The following ZFPM2 variants were observed in gnomAD, a reference collection of about 807,000 sequenced individuals.
ZFPM2 encodes the protein zinc finger protein ZFPM2.
ZFPM2 carries 20 observed loss-of-function variants against 98.6 expected under a neutral mutation model. That is an observed-to-expected ratio of 0.20 (90% confidence interval 0.14 to 0.29). The LOEUF (loss-of-function observed/expected upper bound fraction) is 0.29, where lower values mean the gene tolerates loss of function less well. Ranked by LOEUF, ZFPM2 falls within the 10% of genes least tolerant of loss-of-function variation. The probability of loss-of-function intolerance (pLI) is 1.00; values close to 1 mark genes in which losing one functional copy is unlikely to be tolerated. For synonymous variants in ZFPM2, 518 were observed against 502.7 expected, an observed-to-expected ratio of 1.03 and a Z score of -0.41; for missense variants, 1,310 against 1,388.6, an observed-to-expected ratio of 0.94 and a Z score of 0.90.
chr8:105,657,767 A>G (rs1817313125), intron 5 of ZFPM2, among the ~76,000 whole-genome samples: 1 of 152,234 alleles, frequency 6.6e-6, no homozygotes, highest in Non-Finnish European at 1.5e-5. Flanking sequence ...CTGGAGAAGG[A>G]TAGAGTCATA....
intron 3 of ZFPM2, among the ~76,000 whole-genome samples, chr8:105,472,796 C>T (rs1164906287): frequency 6.6e-6 from 1 of 151,732 alleles, no homozygotes; most frequent in Non-Finnish European, 1.5e-5. Context: ...GCGTGAGCCA[C>T]CGCGCCTGGC....
chr8:105,359,367 CTTTTTT>C (rs111675257), intron 1 of ZFPM2, among the ~76,000 whole-genome samples: 4 of 135,356 alleles, frequency 3.0e-5, no homozygotes, highest in African/African-American at 5.4e-5. Context: ...CTTTTTCTTT[CTTTTTT>C]TTTTTTTTTG....
chr8:105,463,809 T>G (rs1812746703), intron 3 of ZFPM2, among the ~76,000 whole-genome samples: 1 of 152,048 alleles, frequency 6.6e-6, no homozygotes, highest in Admixed American at 6.6e-5. Context: ...GCATATTTTA[T>G]TGCCATCCTT....
chr8:105,769,992 T>C (rs1812946565), intron 5 of ZFPM2, among the ~76,000 whole-genome samples: 1 of 152,098 alleles, frequency 6.6e-6, no homozygotes. Context: ...AAAAACATTC[T>C]CTTTTTCCCT....
In ZFPM2 at chr8:105,321,981, T is replaced by A. The variant is rs571324986; in HGVS notation, c.40+3000T>A. On this transcript the variant is annotated intron_variant, in intron 1 of 7. Coordinates refer to ENST00000407775, the MANE Select transcript of ZFPM2 (RefSeq NM_012082.4). The stretch of plus-strand genomic sequence containing the variant: ...TGATAAATTATGTATTTTGCCCCCA[T>A]GTTTTGTCCCAAAATTCAGATTTTT... Among the ~76,000 whole-genome samples the A allele has an allele frequency of 6.6e-5, 10 of 152,276 alleles. No homozygotes were observed. The South Asian group carries it at 2.1e-3, about 32-fold the overall frequency.
At chr8:105,659,787 A>C (rs776026552) in intron 5 of ZFPM2, among the ~76,000 whole-genome samples, 1 of 152,224 alleles carries the variant, frequency 6.6e-6, no homozygotes, top group Non-Finnish European at 1.5e-5. Context: ...TAATTTCTGT[A>C]ATAGTTTTAC....
chr8:105,516,863 T>C (rs1327133623), intron 3 of ZFPM2, among the ~76,000 whole-genome samples: 1 of 152,146 alleles, frequency 6.6e-6, no homozygotes, highest in African/African-American at 2.4e-5. Context: ...CTAAATACTA[T>C]CCTCACTTTC....
chr8:105,448,967 C>T (rs1411675677), intron 3 of ZFPM2, among the ~76,000 whole-genome samples: 1 of 151,982 alleles, frequency 6.6e-6, no homozygotes, highest in Non-Finnish European at 1.5e-5. Flanking sequence ...AACCACATTC[C>T]ATGACCGAAG....
chr8:105,742,976 T>G (rs760438147), intron 5 of ZFPM2, among the ~76,000 whole-genome samples: 1 of 152,082 alleles, frequency 6.6e-6, no homozygotes, highest in East Asian at 1.9e-4. Context: ...ATACAGGAGA[T>G]AATGTTTCAA....
rs73700126 is a variant in ZFPM2, at chr8:105,691,834, A to G, written c.532+57477A>G. Among the ~76,000 whole-genome samples, 505 of 152,318 alleles carry G rather than the reference A, an allele frequency of 3.3e-3. 6 individuals carry two copies. Among genetic ancestry groups the G allele is most frequent in the African/African-American group, 0.011 (468 of 41,578 alleles). ...GTCTAGAGTGATTGACGGAAAAACT[A>G]TGCGCTCCTTTAGAGTTTATCTCAT... On this transcript the variant is annotated intron_variant, in intron 5 of 7. Coordinates refer to ENST00000407775, the MANE Select transcript of ZFPM2 (RefSeq NM_012082.4).
At chr8:105,613,664 G>C (rs1476078886) in intron 4 of ZFPM2, among the ~76,000 whole-genome samples, 4 of 152,072 alleles carry the variant, frequency 2.6e-5, no homozygotes, top group African/African-American at 9.7e-5. Context: ...GTCCTAGTAG[G>C]ACCCATTCAC....
chr8:105,364,492 C>G (rs1027172149), intron 1 of ZFPM2, among the ~76,000 whole-genome samples: 35 of 151,996 alleles, frequency 2.3e-4, no homozygotes, highest in African/African-American at 7.7e-4. Context: ...TAGTAAAGAT[C>G]TTATATTCAA....
At chr8:105,554,476 CG>C (rs1814938466) in intron 3 of ZFPM2, among the ~76,000 whole-genome samples, 1 of 152,098 alleles carries the variant, frequency 6.6e-6, no homozygotes, top group South Asian at 2.1e-4. Context: ...AGCATGACTT[CG>C]GGGCTGTCCA....
chr8:105,593,139 T>A (rs1029750639), intron 4 of ZFPM2, among the ~76,000 whole-genome samples: 2 of 152,138 alleles, frequency 1.3e-5, no homozygotes. Context: ...CTGTGTTACA[T>A]ATGCTTCTTA....
chr8:105,598,723 AT>A (rs755805895), intron 4 of ZFPM2, among the ~76,000 whole-genome samples: 2 of 152,120 alleles, frequency 1.3e-5, no homozygotes, highest in Non-Finnish European at 2.9e-5. Context: ...ATCAGTTTTA[AT>A]TTATTGGGAC....
chr8:105,498,905 G>A (rs578084744), intron 3 of ZFPM2, among the ~76,000 whole-genome samples: 2 of 152,282 alleles, frequency 1.3e-5, no homozygotes, highest in South Asian at 2.1e-4. Flanking sequence ...CATGGGAGCT[G>A]CATCACCATA....
At chr8:105,736,189 T>C (rs1211297114) in intron 5 of ZFPM2, among the ~76,000 whole-genome samples, 1 of 151,948 alleles carries the variant, frequency 6.6e-6, no homozygotes, top group Non-Finnish European at 1.5e-5. Context: ...TCAAACCACA[T>C]TGCAGATGCC....
At chr8:105,554,748 G>A (rs765567802) in intron 3 of ZFPM2, among the ~76,000 whole-genome samples, 1 of 152,032 alleles carries the variant, frequency 6.6e-6, no homozygotes, top group Admixed American at 6.6e-5. Flanking sequence ...GTTAAGGGTC[G>A]TTCTGTAATT....
chr8:105,575,951 A>G (rs1356750064), intron 4 of ZFPM2, among the ~76,000 whole-genome samples: 2 of 152,112 alleles, frequency 1.3e-5, no homozygotes, highest in Non-Finnish European at 2.9e-5. Context: ...GAGATTTTTG[A>G]AAGGGGAATA....
Sources: allele counts gnomAD v4.1 joint callset (sites outside exome capture counted in the v4.1 genomes callset), GRCh38; gene constraint gnomAD v4.1.1; transcripts MANE v1.5; gene names NCBI Gene and HGNC (gene_info 2026-07-23, HGNC 2026-07-21).